The following CPPED1 variants were observed in gnomAD, a reference collection of about 807,000 sequenced individuals.
CPPED1 encodes the protein serine/threonine-protein phosphatase CPPED1.
In CPPED1, 28 loss-of-function variants were observed where a neutral mutation model predicts 28.0. That is an observed-to-expected ratio of 1.00 (90% CI 0.74 to 1.37). CPPED1 has a LOEUF of 1.37. Among genes scored for constraint, CPPED1 ranks in the 40% most tolerant of loss-of-function variants. The pLI, the probability that CPPED1 is intolerant of heterozygous loss-of-function variation, is 0.00. For synonymous variants in CPPED1, 198 were observed against 180.2 expected (o/e 1.10, Z -0.79); for missense variants, 504 against 416.5 (o/e 1.21, Z -1.83).
Position 12,661,348 on chromosome 16 carries a change from C to G in CPPED1, c.*3538G>C, listed in dbSNP as rs1384615441. On this transcript the variant is annotated 3_prime_UTR_variant, in exon 4 of 4. Coordinates refer to ENST00000381774, the MANE Select transcript of CPPED1 (RefSeq NM_018340.3). The stretch of plus-strand genomic sequence containing the variant: ...TCAATAATCTCTTAATACTGAAAAT[C>G]ACAAAATAGGATAAAACGTTCTGTT... 6.6e-6 allele frequency: 1 copy of G among 152,132 alleles called. No individual in the cohort carries two copies. Among genetic ancestry groups the G allele is most frequent in the Non-Finnish European group, 1.5e-5 (1 of 68,028 alleles). The allele number at this position is 152,132 out of a possible 1,614,324, so 9.4% of individuals were successfully genotyped here.
At chr16:12,714,650 A>G (rs2080097908) in intron 2 of CPPED1, among the ~76,000 whole-genome samples, 1 of 152,160 alleles carries the variant, frequency 6.6e-6, no homozygotes, top group Non-Finnish European at 1.5e-5. Context: ...TCTTTTCATT[A>G]TTAATATTTA....
At chr16:12,776,068 A>T (rs2080495786) in intron 2 of CPPED1, among the ~76,000 whole-genome samples, 1 of 152,206 alleles carries the variant, frequency 6.6e-6, no homozygotes, top group Non-Finnish European at 1.5e-5. Context: ...TGAGATGGAA[A>T]CATTATCCTG....
chr16:12,720,944 C>G (rs2080136756), intron 2 of CPPED1, among the ~76,000 whole-genome samples: 1 of 152,146 alleles, frequency 6.6e-6, no homozygotes, highest in Admixed American at 6.5e-5. Flanking sequence ...TTTGGAATGT[C>G]CCTAGGATGG....
At chr16:12,796,690 A>G (rs2080629579) in intron 1 of CPPED1, among the ~76,000 whole-genome samples, 1 of 152,204 alleles carries the variant, frequency 6.6e-6, no homozygotes, top group Admixed American at 6.5e-5. Context: ...TATTAAACAT[A>G]GTTACCGTAT....
chr16:12,691,798 G>A (rs9923327), intron 3 of CPPED1, among the ~76,000 whole-genome samples: 39,632 of 117,974 alleles, frequency 0.34, 9,269 homozygotes, highest in African/African-American at 0.72. Flanking sequence ...AACATCACAC[G>A]CTGGGGACTG....
intron 3 of CPPED1, among the ~76,000 whole-genome samples, chr16:12,669,434 T>C (rs1489614041): frequency 1.3e-5 from 2 of 152,168 alleles, no homozygotes; most frequent in Non-Finnish European, 2.9e-5. Flanking sequence ...GTGAATATAT[T>C]AAAACGACTA....
intron 2 of CPPED1, among the ~76,000 whole-genome samples, chr16:12,741,670 C>T (rs1284489818): frequency 6.6e-6 from 1 of 152,178 alleles, no homozygotes; most frequent in Non-Finnish European, 1.5e-5. Flanking sequence ...GTTAACTGCG[C>T]TACACTTTGC....
chr16:12,768,183 C>T (rs7195868), intron 2 of CPPED1, among the ~76,000 whole-genome samples: 32,756 of 152,120 alleles, frequency 0.22, 4,122 homozygotes, highest in East Asian at 0.3. Context: ...TTTCGCCCTG[C>T]GGTTTTGTCT....
intron 3 of CPPED1, among the ~76,000 whole-genome samples, chr16:12,697,379 A>AGTCC (rs2079997084): frequency 2.5e-5 from 1 of 39,838 alleles, no homozygotes; most frequent in African/African-American, 2.4e-4. Context: ...TCTTGTCTGC[A>AGTCC]ATCCATCACA....
At chr16:12,748,035 G>C (rs2080302326) in intron 2 of CPPED1, among the ~76,000 whole-genome samples, 1 of 152,068 alleles carries the variant, frequency 6.6e-6, no homozygotes, top group Non-Finnish European at 1.5e-5. Flanking sequence ...GTGGACATTC[G>C]CACACATTTC....
intron 2 of CPPED1, among the ~76,000 whole-genome samples, chr16:12,747,496 A>T (rs2080297837): frequency 6.6e-6 from 1 of 152,096 alleles, no homozygotes; most frequent in Non-Finnish European, 1.5e-5. Context: ...AAGGAAAAAA[A>T]TCCCTCTATA....
intron 2 of CPPED1, among the ~76,000 whole-genome samples, chr16:12,770,768 G>C (rs1012316271): frequency 2.0e-5 from 3 of 151,978 alleles, no homozygotes; most frequent in Non-Finnish European, 2.9e-5. Context: ...GTTGCAGTGA[G>C]CCGAGATCGC....
rs550644900 is a variant in CPPED1 at position 12,738,715 on chromosome 16, G to C, written c.290-33666C>G. Reference sequence around the variant, plus strand: ...TATGGACTAACCTCTGGGTAATTTAGTAGCCTACCATACAAGGTCCTGCTA... The same window carrying C: ...TATGGACTAACCTCTGGGTAATTTACTAGCCTACCATACAAGGTCCTGCTA... On this transcript the variant is annotated intron_variant, in intron 2 of 3. Coordinates refer to ENST00000381774, the MANE Select transcript of CPPED1 (RefSeq NM_018340.3). Among the ~76,000 whole-genome samples the C allele has an allele frequency of 2.0e-4, 31 of 152,246 alleles. No individual in the cohort carries two copies. In the South Asian group the frequency reaches 5.6e-3, roughly 27 times the overall value.
chr16:12,785,839 C>A (rs1355118330), intron 1 of CPPED1, among the ~76,000 whole-genome samples: 1 of 151,940 alleles, frequency 6.6e-6, no homozygotes, highest in Non-Finnish European at 1.5e-5. Context: ...TGGAAACCCT[C>A]TGGAAGCACT....
intron 1 of CPPED1, among the ~76,000 whole-genome samples, chr16:12,788,906 T>G (rs916824588): frequency 1.3e-5 from 2 of 152,198 alleles, no homozygotes; most frequent in Admixed American, 6.5e-5. Flanking sequence ...CAGGGTTGAT[T>G]TGAGGCACAG....
At position 12,745,667 on chromosome 16, in the gene CPPED1, C is replaced by T. The variant is rs577316460; in HGVS notation, c.289+35518G>A. On this transcript the variant is annotated intron_variant, in intron 2 of 3. Transcript: ENST00000381774. Reference sequence around the variant, plus strand: ...GAAGGAAACAACAGACACTGGGGTCCGCTTAAGGCGGGAGGGTGGGAGGAG... The same window carrying T: ...GAAGGAAACAACAGACACTGGGGTCTGCTTAAGGCGGGAGGGTGGGAGGAG... Among the ~76,000 whole-genome samples, 35 of 152,240 alleles carry T rather than the reference C, an allele frequency of 2.3e-4. No individual in the cohort carries two copies. In the South Asian group the frequency reaches 2.5e-3, roughly 11 times the overall value.
intron 2 of CPPED1, among the ~76,000 whole-genome samples, chr16:12,776,430 A>C (rs1249288819): frequency 6.6e-6 from 1 of 152,204 alleles, no homozygotes; most frequent in Non-Finnish European, 1.5e-5. Context: ...CTGTGGTCTC[A>C]CTCAAATCTC....
chr16:12,704,850 G>A lies in CPPED1; in HGVS notation c.489C>T (p.Leu163=), dbSNP rs756422180. 1.2e-6 allele frequency: 2 copies of A among 1,614,080 alleles called. No individual in the cohort carries two copies. The highest frequency in any genetic ancestry group is 1.3e-5 in the African/African-American group (1 of 74,934). ...FWVGGVLFLV[L]NSQFYENPSK... is the part of the protein sequence containing the mutation. ...AGGGGTTCTCGTAGAACTGGGAGTT[G>A]AGGACCAGGAACAGGACGCCCCCGA... The change falls in exon 3 of 4, where the codon CTC becomes CTT. Residue 163 remains leucine, a synonymous_variant. Coordinates refer to ENST00000381774, the MANE Select transcript of CPPED1 (RefSeq NM_018340.3).
intron 3 of CPPED1, among the ~76,000 whole-genome samples, chr16:12,694,788 T>A (rs959956044): frequency 6.6e-6 from 1 of 151,524 alleles, no homozygotes; most frequent in Non-Finnish European, 1.5e-5. Flanking sequence ...CCCCCCTTTT[T>A]TTTTTTGAGA....
Sources: gnomAD v4.1 joint callset for allele counts (sites outside exome capture counted in the v4.1 genomes callset) on GRCh38, gnomAD v4.1.1 for gene constraint, MANE v1.5 for transcripts, NCBI Gene and HGNC (gene_info 2026-07-23, HGNC 2026-07-21) for gene names.